The following ZNF530 variants were observed in gnomAD, a reference collection of about 807,000 sequenced individuals.
The protein encoded by ZNF530 is zinc finger protein 530.
ZNF530 carries 5 observed loss-of-function variants against 2.8 expected under a neutral mutation model. The ratio of observed to expected loss-of-function variants is 1.80; its 90% confidence interval spans 0.94 to 3.78. The LOEUF (loss-of-function observed/expected upper bound fraction) is 3.78. Among genes scored for constraint, ZNF530 ranks in the 30% most tolerant of loss-of-function variants. ZNF530 has a pLI of 0.00. For synonymous variants in ZNF530, 229 were observed against 235.0 expected (o/e 0.97, Z 0.23); for missense variants, 619 against 673.3 (o/e 0.92, Z 0.89).
chr19:57,606,940 T>C lies in ZNF530; in HGVS notation c.1316T>C (p.Phe439Ser). 6.2e-7 allele frequency: 1 copy of C among 1,613,496 alleles called. No individual in the cohort carries two copies. The highest frequency in any genetic ancestry group is 8.5e-7 in the Non-Finnish European group (1 of 1,179,814). Residue 439 changes from phenylalanine (F) to serine (S), a missense_variant, in exon 4 of 4, where the codon TTT becomes TCT. Phe to Ser is a radical substitution (Grantham distance 155, BLOSUM62 -2). Coordinates refer to ENST00000597700, the MANE Select transcript of ZNF530 (RefSeq NM_001321981.2). ...PYECSECEKSFSCKTDLIRHQ... is the reference protein window; with the variant it reads ...PYECSECEKSSSCKTDLIRHQ... Reference sequence around the variant, plus strand: ...GAGTGCAGTGAATGTGAAAAATCATTTAGTTGCAAAACTGACCTCATTCGA... The same window carrying C: ...GAGTGCAGTGAATGTGAAAAATCATCTAGTTGCAAAACTGACCTCATTCGA...
At chr19:57,604,516 C>T in intron 3 of ZNF530, 110 bp downstream of exon 3, 2 of 1,436,222 alleles carry the variant, frequency 1.4e-6, no homozygotes, top group Non-Finnish European at 1.9e-6. Flanking sequence ...ACAGACCTTC[C>T]CACTTTCTTG....
downstream of ZNF530, among the ~76,000 whole-genome samples, chr19:57,610,784 A>G (rs950302835): frequency 6.6e-6 from 1 of 152,132 alleles, no homozygotes; most frequent in Non-Finnish European, 1.5e-5. Flanking sequence ...GTAGCCCCCA[A>G]ATTCATTGTG....
At chr19:57,603,757 T>C (rs1464627203) in intron 2 of ZNF530, among the ~76,000 whole-genome samples, 1 of 152,240 alleles carries the variant, frequency 6.6e-6, no homozygotes, top group Non-Finnish European at 1.5e-5. Context: ...GGGACCATCA[T>C]AGGTCTGGGT....
downstream of ZNF530, among the ~76,000 whole-genome samples, chr19:57,610,282 A>G (rs1178901333): frequency 6.6e-6 from 1 of 152,170 alleles, no homozygotes; most frequent in Non-Finnish European, 1.5e-5. Context: ...TATTTTAGAC[A>G]TCATAAAGTG....
chr19:57,605,462 G>A, intron 3 of ZNF530: 2 of 488,238 alleles, frequency 4.1e-6, no homozygotes, highest in Non-Finnish European at 3.6e-6. Context: ...AGAATAGTGA[G>A]TCAGAGACCC....
In ZNF530 at chr19:57,608,857, G is replaced by C. The variant is rs999311989; in HGVS notation, c.*1532G>C. 3 of 152,132 alleles carry C rather than the reference G, an allele frequency of 2.0e-5. No homozygotes were observed. Among genetic ancestry groups the C allele is most frequent in the African/African-American group, 4.8e-5 (2 of 41,402 alleles). The allele number at this position is 152,132 out of a possible 1,614,324, so 9.4% of individuals were successfully genotyped here. The stretch of plus-strand genomic sequence containing the variant: ...TAATCCTAGCACTTTGGGAGGCTGA[G>C]GTGGGTGGATCACAAGGTCGGGAGT... On this transcript the variant is annotated 3_prime_UTR_variant, in exon 4 of 4. Transcript: ENST00000597700.
At position 57,609,390 on chromosome 19, in the gene ZNF530, C is replaced by T. The variant is rs544196850; in HGVS notation, c.*2065C>T. ...CTGTAATCCCAGCACTTTAGGAGGCCGAGGTGGGTGGATAACCCAAGGTCA... is the reference window on the plus strand; with the variant it reads ...CTGTAATCCCAGCACTTTAGGAGGCTGAGGTGGGTGGATAACCCAAGGTCA... On this transcript the variant is annotated 3_prime_UTR_variant, in exon 4 of 4. Coordinates refer to ENST00000597700, the MANE Select transcript of ZNF530 (RefSeq NM_001321981.2). 3.3e-5 allele frequency among the ~76,000 whole-genome samples: 5 copies of T among 151,858 alleles called. No individual in the cohort carries two copies. Among genetic ancestry groups the T allele is most frequent in the African/African-American group, 7.3e-5 (3 of 41,316 alleles).
rs1345315659 is a variant in ZNF530 at position 57,606,128 on chromosome 19, C to T, written c.504C>T (p.His168=). Residue 168 remains histidine (H), a synonymous_variant, in exon 4 of 4, where the codon CAC becomes CAT. Transcript: ENST00000597700. ...TIERPHSRIR[H]LRVPTGRKPL... is the part of the protein sequence containing the mutation. ...AGAGACCACACAGCAGGATTAGACA[C>T]TTGAGAGTTCCCACTGGACGAAAGC... 2 of 1,614,226 alleles carry T rather than the reference C, an allele frequency of 1.2e-6. No homozygotes were observed. Among genetic ancestry groups the T allele is most frequent in the Non-Finnish European group, 1.7e-6 (2 of 1,180,032 alleles).
intron 1 of ZNF530, among the ~76,000 whole-genome samples, 182 bp from the exon 2 acceptor site, chr19:57,600,546 G>C (rs1272087217): frequency 6.6e-6 from 1 of 152,218 alleles, no homozygotes; most frequent in Non-Finnish European, 1.5e-5. Context: ...ATGATAGCAG[G>C]CATGGAGGGA....
chr19:57,601,473 T>C (rs544658370), intron 2 of ZNF530, among the ~76,000 whole-genome samples: 9 of 152,286 alleles, frequency 5.9e-5, no homozygotes, highest in African/African-American at 1.4e-4. Flanking sequence ...AAGTAGATAG[T>C]AGAATTGTTT....
chr19:57,611,367 G>T (rs1980869759), downstream of ZNF530, among the ~76,000 whole-genome samples: 1 of 152,160 alleles, frequency 6.6e-6, no homozygotes, highest in African/African-American at 2.4e-5. Context: ...CTTGATCCTT[G>T]GCTTGGGACT....
chr19:57,606,621 C>T lies in ZNF530; in HGVS notation c.997C>T (p.Leu333Phe). ...AAAATCCTTTAGCCATAGCACTAAC[C>T]TCTTTCGACACTGGAGAGTTCACAC... is the stretch of plus-strand genomic sequence containing the variant. ...CGKSFSHSTNLFRHWRVHTGV... is the reference protein window; with the variant it reads ...CGKSFSHSTNFFRHWRVHTGV... Residue 333 changes from leucine to phenylalanine, a missense_variant, in exon 4 of 4, where the codon CTC becomes TTC. Leu to Phe is a conservative substitution (Grantham distance 22). Coordinates refer to ENST00000597700, the MANE Select transcript of ZNF530 (RefSeq NM_001321981.2). 6.2e-7 allele frequency: 1 copy of T among 1,614,194 alleles called. No individual in the cohort carries two copies. Among genetic ancestry groups the T allele is most frequent in the Non-Finnish European group, 8.5e-7 (1 of 1,180,038 alleles).
chr19:57,606,067 C>T lies in ZNF530; in HGVS notation c.443C>T (p.Ser148Leu). 1 of 1,614,202 alleles carries T rather than the reference C, an allele frequency of 6.2e-7. No homozygotes were observed. The highest frequency in any genetic ancestry group is 8.5e-7 in the Non-Finnish European group (1 of 1,180,040). ...GTCGGGAGGGACTTTTCAGCCACCT[C>T]AGGACTTCTCCAGCATCAGGTGACT... The part of the protein sequence containing the change: ...GEVGRDFSAT[S>L]GLLQHQVTPT... Residue 148 changes from serine (S) to leucine (L), a missense_variant, in exon 4 of 4, where the codon TCA becomes TTA. Physicochemically the swap from Ser to Leu is moderately radical, Grantham distance 145. Coordinates refer to ENST00000597700, the MANE Select transcript of ZNF530 (RefSeq NM_001321981.2).
At chr19:57,602,262 T>A (rs911094335) in intron 2 of ZNF530, among the ~76,000 whole-genome samples, 1 of 152,190 alleles carries the variant, frequency 6.6e-6, no homozygotes, top group Non-Finnish European at 1.5e-5. Flanking sequence ...AAGGAATCTC[T>A]TTCTTTCTAT....
At chr19:57,612,387 G>A (rs937617202), downstream of ZNF530, 11 of 396,962 alleles carry the variant, frequency 2.8e-5, no homozygotes, top group African/African-American at 1.4e-4. Flanking sequence ...CTGAAATACA[G>A]TAGGTGTTCC....
chr19:57,611,967 C>G (rs1317516994), downstream of ZNF530, among the ~76,000 whole-genome samples: 1 of 152,196 alleles, frequency 6.6e-6, no homozygotes, highest in East Asian at 1.9e-4. Flanking sequence ...TTCAGACTAG[C>G]CAGTACTCAG....
At chr19:57,610,382 T>C (rs911708394), downstream of ZNF530, among the ~76,000 whole-genome samples, 1 of 151,598 alleles carries the variant, frequency 6.6e-6, no homozygotes, top group Non-Finnish European at 1.5e-5. Flanking sequence ...CCAACACCAT[T>C]GATAGGGTGA....
downstream of ZNF530, chr19:57,612,593 A>T: frequency 2.5e-6 from 1 of 398,692 alleles, no homozygotes; most frequent in Non-Finnish European, 4.4e-6. Flanking sequence ...AGGTGGGAGG[A>T]TCCCTTGAGC....
Position 57,600,130 on chromosome 19 carries a change from C to A in ZNF530, c.-126C>A. The A allele has an allele frequency of 1.3e-6, 2 of 1,570,294 alleles. No homozygotes were observed. Among genetic ancestry groups the A allele is most frequent in the Non-Finnish European group, 8.6e-7 (1 of 1,156,984 alleles). On this transcript the variant is annotated 5_prime_UTR_variant, in exon 1 of 4. Coordinates refer to ENST00000597700, the MANE Select transcript of ZNF530 (RefSeq NM_001321981.2). Reference sequence around the variant, plus strand: ...ATGGCGGCGGCACTGAGGGCCCCGACCCAGGTGAGCGCTGCGTCCTCCCGG... The same window carrying A: ...ATGGCGGCGGCACTGAGGGCCCCGAACCAGGTGAGCGCTGCGTCCTCCCGG...
Sources: gnomAD v4.1 joint callset for allele counts (sites outside exome capture counted in the v4.1 genomes callset) on GRCh38, gnomAD v4.1.1 for gene constraint, MANE v1.5 for transcripts, NCBI Gene and HGNC (gene_info 2026-07-23, HGNC 2026-07-21) for gene names.